PSMG2: variants seen among roughly 807,000 people sequenced by gnomAD.
PSMG2 encodes proteasome assembly chaperone 2, also known as CD40 ligand-activated specific transcript 3.
PSMG2 carries 21 observed loss-of-function variants against 31.5 expected under a neutral mutation model. The observed-to-expected ratio is 0.67, with a 90% CI of 0.47 to 0.96. The LOEUF (loss-of-function observed/expected upper bound fraction) is 0.96, where lower values mean the gene tolerates loss of function less well. PSMG2 is among the 40% of genes least tolerant of loss of function. The probability of loss-of-function intolerance (pLI) is 0.00; values close to 1 mark genes in which losing one functional copy is unlikely to be tolerated. For synonymous variants in PSMG2, 120 were observed against 110.4 expected (o/e 1.09, Z -0.54); for missense variants, 318 against 321.2 (o/e 0.99, Z 0.08).
intron 1 of PSMG2, chr18:12,672,644 T>A (rs989571012): frequency 1.0e-6 from 1 of 982,462 alleles, no homozygotes; most frequent in African/African-American, 1.8e-5. Context: ...GACTGCAAGA[T>A]CACAATTTAT....
chr18:12,685,182 T>C (rs1598636015), intron 1 of PSMG2: 1 of 152,140 alleles, frequency 6.6e-6, no homozygotes. Context: ...GTACTTTTAG[T>C]GGAGACGGAG....
chr18:12,691,684 T>A (rs35309605), intron 1 of PSMG2, among the ~76,000 whole-genome samples: 13,514 of 151,244 alleles, frequency 0.089, 837 homozygotes, highest in Non-Finnish European at 0.13. Context: ...TAATCATAAG[T>A]CACCTTTTTT....
At chr18:12,702,357 G>A, upstream of PSMG2, 1 of 698,938 alleles carries the variant, frequency 1.4e-6, no homozygotes, top group Non-Finnish European at 2.5e-6. Flanking sequence ...TGCCTACTCT[G>A]CGTTGCGCAC....
At chr18:12,699,736 A>G (rs2040086245), upstream of PSMG2, 3 of 689,214 alleles carry the variant, frequency 4.4e-6, no homozygotes, top group African/African-American at 1.9e-5. Flanking sequence ...TTTTGGGGGG[A>G]AAAAATGGAA....
chr18:12,714,610 C>T (rs775476037), intron 3 of PSMG2, among the ~76,000 whole-genome samples: 1 of 151,894 alleles, frequency 6.6e-6, no homozygotes, highest in African/African-American at 2.4e-5. Context: ...TCTCCAACCT[C>T]ACCCTCCCGA....
chr18:12,695,246 G>A (rs1261419691), intron 1 of PSMG2: 3 of 1,298,390 alleles, frequency 2.3e-6, no homozygotes, highest in Non-Finnish European at 3.3e-6. Context: ...AAACTCATAA[G>A]TATTTACCTG....
intron 2 of PSMG2, among the ~76,000 whole-genome samples, chr18:12,711,622 G>C (rs192569067): frequency 6.6e-6 from 1 of 152,094 alleles, no homozygotes. Context: ...TAACAGTAGA[G>C]ACCTGATCCA....
At chr18:12,717,926 G>A (rs1055751713) in intron 3 of PSMG2, among the ~76,000 whole-genome samples, 14 of 152,128 alleles carry the variant, frequency 9.2e-5, no homozygotes, top group Non-Finnish European at 1.9e-4. Context: ...TAGAGAACTG[G>A]GAAATTGTCC....
chr18:12,668,809 C>T (rs62095975), intron 1 of PSMG2, among the ~76,000 whole-genome samples: 33,879 of 136,344 alleles, frequency 0.25, 4,590 homozygotes, highest in Non-Finnish European at 0.32. Flanking sequence ...AGAGCAATCT[C>T]GGCTCACTGC....
intron 1 of PSMG2, among the ~76,000 whole-genome samples, chr18:12,661,150 A>C (rs1306848748): frequency 6.6e-6 from 1 of 152,058 alleles, no homozygotes; most frequent in Non-Finnish European, 1.5e-5. Flanking sequence ...TCTACTAAAA[A>C]TACAAAAATT....
At chr18:12,663,404 C>G (rs1322452995) in intron 1 of PSMG2, 1 of 152,236 alleles carries the variant, frequency 6.6e-6, no homozygotes, top group East Asian at 1.9e-4. Flanking sequence ...TTCCAAGTAG[C>G]TGGGACCACA....
chr18:12,692,926 G>A (rs1043400024), intron 1 of PSMG2, among the ~76,000 whole-genome samples: 18 of 152,220 alleles, frequency 1.2e-4, no homozygotes, highest in Admixed American at 5.2e-4. Flanking sequence ...GGGCTTAAGC[G>A]ATCCTCCCAC....
intron 1 of PSMG2, chr18:12,678,586 C>A (rs919625112): frequency 1.7e-6 from 1 of 591,864 alleles, no homozygotes; most frequent in Non-Finnish European, 2.9e-6. Context: ...TATATTTCCA[C>A]AATTTGATTA....
At chr18:12,718,252 G>A (rs962437239) in intron 3 of PSMG2, among the ~76,000 whole-genome samples, 1 of 151,732 alleles carries the variant, frequency 6.6e-6, no homozygotes. Flanking sequence ...CAGGTGATCC[G>A]CCTGCCTCCC....
At chr18:12,710,092 G>A (rs569637957) in intron 2 of PSMG2, among the ~76,000 whole-genome samples, 6 of 151,940 alleles carry the variant, frequency 3.9e-5, no homozygotes, top group African/African-American at 1.2e-4. Context: ...ACAGACACCC[G>A]CCATCACGCC....
chr18:12,671,711 C>G (rs369884837), intron 1 of PSMG2, among the ~76,000 whole-genome samples: 44 of 141,970 alleles, frequency 3.1e-4, no homozygotes, highest in African/African-American at 1.1e-3. Flanking sequence ...TGCAGTGACG[C>G]GATCTTAGCT....
chr18:12,660,780 A>G (rs919847798), intron 1 of PSMG2, among the ~76,000 whole-genome samples: 2 of 152,148 alleles, frequency 1.3e-5, no homozygotes, highest in Non-Finnish European at 2.9e-5. Flanking sequence ...CCAAGTAACA[A>G]TTCATGGTAT....
At chr18:12,719,978 A>G (rs1267295491) in intron 4 of PSMG2, among the ~76,000 whole-genome samples, 2 of 151,982 alleles carry the variant, frequency 1.3e-5, no homozygotes, top group South Asian at 2.1e-4. Flanking sequence ...GGGCCTCCCA[A>G]AGTGCTGGGA....
chr18:12,699,201 T>A (rs1341566439), upstream of PSMG2: 1 of 1,606,494 alleles, frequency 6.2e-7, no homozygotes, highest in East Asian at 2.2e-5. Flanking sequence ...GGATCAATAT[T>A]AGCTGTAAAG....
Sources: gnomAD v4.1 joint callset for allele counts (sites outside exome capture counted in the v4.1 genomes callset) on GRCh38, gnomAD v4.1.1 for gene constraint, MANE v1.5 for transcripts, NCBI Gene and HGNC (gene_info 2026-07-23, HGNC 2026-07-21) for gene names.